Variants in RBM39 observed in about 807,000 individuals in gnomAD.
RBM39 encodes the protein RNA binding motif protein 39.
A neutral mutation model predicts 79.6 loss-of-function variants in RBM39; 12 were observed. That is an observed-to-expected ratio of 0.15 (90% confidence interval 0.10 to 0.24). The LOEUF is 0.24. RBM39 is among the 10% of genes least tolerant of loss of function. The probability of loss-of-function intolerance (pLI) is 1.00; values close to 1 mark genes in which losing one functional copy is unlikely to be tolerated. For synonymous variants in RBM39, 185 were observed against 208.4 expected (o/e 0.89, Z 0.97); for missense variants, 243 against 653.4 (o/e 0.37, Z 6.85).
intron 9 of RBM39, among the ~76,000 whole-genome samples, chr20:35,718,640 CCT>C (rs1245812335): frequency 6.6e-6 from 1 of 151,874 alleles, no homozygotes; most frequent in Non-Finnish European, 1.5e-5. Context: ...GGAGAAAAAC[CCT>C]GTCTCTACTA....
At chr20:35,719,996 TG>T in intron 9 of RBM39, 1 of 279,850 alleles carries the variant, frequency 3.6e-6, no homozygotes, top group Non-Finnish European at 7.5e-6. Flanking sequence ...TTGGCCAAGC[TG>T]GTCTCAAACT....
At chr20:35,712,735 C>T (rs1302239980) in intron 12 of RBM39, among the ~76,000 whole-genome samples, 1 of 151,990 alleles carries the variant, frequency 6.6e-6, no homozygotes, top group Non-Finnish European at 1.5e-5. Flanking sequence ...ACAATATACA[C>T]CTTGTAGTAT....
At chr20:35,722,030 T>C (rs538420553) in intron 8 of RBM39, among the ~76,000 whole-genome samples, 153 bp from the exon 9 acceptor site, 1 of 152,294 alleles carries the variant, frequency 6.6e-6, no homozygotes, top group East Asian at 1.9e-4. Context: ...ATAGGAGGCA[T>C]CTAGAATATG....
intron 9 of RBM39, among the ~76,000 whole-genome samples, chr20:35,718,263 T>C (rs2037419202): frequency 6.8e-6 from 1 of 147,672 alleles, no homozygotes; most frequent in Non-Finnish European, 1.5e-5. Context: ...TATGGAAGGA[T>C]ATAAAAAACA....
intron 9 of RBM39, among the ~76,000 whole-genome samples, chr20:35,718,628 A>T (rs2037478865): frequency 6.6e-6 from 1 of 152,052 alleles, no homozygotes; most frequent in East Asian, 1.9e-4. Flanking sequence ...CCTGACCAAC[A>T]TGGAGAAAAA....
At chr20:35,726,918 C>T (rs563142374) in intron 6 of RBM39, among the ~76,000 whole-genome samples, 3 of 152,076 alleles carry the variant, frequency 2.0e-5, no homozygotes, top group South Asian at 2.1e-4. Flanking sequence ...CTCCATCTCA[C>T]GGGTTCAAGC....
intron 9 of RBM39, among the ~76,000 whole-genome samples, chr20:35,719,861 C>A (rs768546086): frequency 6.6e-6 from 1 of 151,962 alleles, no homozygotes; most frequent in African/African-American, 2.4e-5. Context: ...CGGCTCACTG[C>A]AATCTCTGCC....
At chr20:35,728,829 C>G (rs1486945908) in intron 6 of RBM39, among the ~76,000 whole-genome samples, 3 of 151,682 alleles carry the variant, frequency 2.0e-5, no homozygotes, top group African/African-American at 7.3e-5. Flanking sequence ...TGCAATCCTA[C>G]CACTTTGAGA....
intron 3 of RBM39, chr20:35,735,023 C>CTA: frequency 6.2e-7 from 1 of 1,606,646 alleles, no homozygotes; most frequent in East Asian, 2.2e-5. Context: ...AGGTGTTTTG[C>CTA]TATAACTGGA....
intron 9 of RBM39, among the ~76,000 whole-genome samples, chr20:35,718,094 C>A (rs1048237004): frequency 2.6e-5 from 4 of 151,968 alleles, no homozygotes; most frequent in Admixed American, 2.0e-4. Flanking sequence ...CTCCTGACCT[C>A]GTGATCCACC....
chr20:35,724,322 A>G (rs901150984), intron 8 of RBM39, among the ~76,000 whole-genome samples: 4 of 151,332 alleles, frequency 2.6e-5, no homozygotes, highest in Non-Finnish European at 4.4e-5. Flanking sequence ...GAGAGACTCC[A>G]TCTCAAAAAC....
At chr20:35,706,693 T>C (rs1181209805) in intron 14 of RBM39, among the ~76,000 whole-genome samples, 1 of 151,984 alleles carries the variant, frequency 6.6e-6, no homozygotes. Context: ...GGCCGAAAAA[T>C]TATTTTAAAA....
intron 4 of RBM39, among the ~76,000 whole-genome samples, chr20:35,730,759 G>A (rs1183614521): frequency 6.6e-6 from 1 of 151,990 alleles, no homozygotes; most frequent in Non-Finnish European, 1.5e-5. Context: ...AAAATGCTCA[G>A]AATCTTGATA....
At chr20:35,713,326 T>C in intron 11 of RBM39, 1 of 395,912 alleles carries the variant, frequency 2.5e-6, no homozygotes, top group Admixed American at 4.2e-5. Context: ...TCTTTTTTTT[T>C]TGAGATGGAG....
At chr20:35,737,579 G>C (rs751565043) in intron 3 of RBM39, among the ~76,000 whole-genome samples, 9 of 148,976 alleles carry the variant, frequency 6.0e-5, no homozygotes, top group Non-Finnish European at 1.3e-4. Flanking sequence ...AATAAAGACA[G>C]AGGCTGGGCA....
intron 8 of RBM39, among the ~76,000 whole-genome samples, chr20:35,724,337 CA>C (rs889701869): frequency 1.4e-5 from 2 of 144,562 alleles, no homozygotes; most frequent in African/African-American, 5.2e-5. Context: ...AAAAACAAAA[CA>C]AAAAAAAGGC....
At chr20:35,711,873 A>AG (rs2036462630) in intron 12 of RBM39, among the ~76,000 whole-genome samples, 1 of 152,076 alleles carries the variant, frequency 6.6e-6, no homozygotes, top group Non-Finnish European at 1.5e-5. Context: ...CAGCCAGGTG[A>AG]GGGGGCTCAT....
Position 35,707,195 on chromosome 20 carries a change from G to T in RBM39, c.1232C>A (p.Ala411Asp). 1 of 1,604,046 alleles carries T rather than the reference G, an allele frequency of 6.2e-7. No homozygotes were observed. Among genetic ancestry groups the T allele is most frequent in the Non-Finnish European group, 8.5e-7 (1 of 1,173,298 alleles). The change falls in exon 14 of 17, where the codon GCT (alanine) becomes GAT (aspartate). Residue 411 changes from alanine to aspartate, a missense_variant. Around this residue, in one of 4 missense-constraint regions of RBM39, gnomAD observed 19 missense variants for 16.1 expected, o/e 1.18. Transcript: ENST00000253363. ...TRLSQQTEAS[A>D]LAAAASVQPL... ...CTGAACAGAGGCAGCTGCAGCTAAA[G>T]CTGAAGCTAAAAAAAGAAAGAGAAA... is the stretch of plus-strand genomic sequence containing the variant.
chr20:35,732,199 T>G (rs1377318448), intron 3 of RBM39, 64 bp from the exon 4 acceptor site: 2 of 1,385,450 alleles, frequency 1.4e-6, no homozygotes, highest in Non-Finnish European at 2.0e-6. Flanking sequence ...ATACTACCTT[T>G]TATGGCCAGA....
Sources: gnomAD v4.1 joint callset for allele counts (sites outside exome capture counted in the v4.1 genomes callset) on GRCh38, gnomAD v4.1.1 for gene constraint, gnomAD v4.1.1 regional missense constraint, MANE v1.5 for transcripts, NCBI Gene and HGNC (gene_info 2026-07-23, HGNC 2026-07-21) for gene names.